The following MED16 variants were observed in gnomAD, a reference collection of about 807,000 sequenced individuals.
The protein encoded by MED16 is mediator of RNA polymerase II transcription subunit 16.
Under a neutral mutation model 84.4 loss-of-function variants are expected in MED16, and 81 were observed. That is an observed-to-expected ratio of 0.96 (90% confidence interval 0.80 to 1.15). The LOEUF (loss-of-function observed/expected upper bound fraction) is 1.15, where lower values mean the gene tolerates loss of function less well. Among genes scored for constraint, MED16 ranks in the 50% most tolerant of loss-of-function variants. The pLI is 0.00. For synonymous variants in MED16, 897 were observed against 552.2 expected (o/e 1.62, Z -8.76); for missense variants, 1,585 against 1,245.9 (o/e 1.27, Z -4.10).
chr19:884,625 G>A lies in MED16; in HGVS notation c.985+278C>T, dbSNP rs541114387. On this transcript the variant is annotated intron_variant, in intron 6 of 15. Transcript: ENST00000325464. ...CCCTCACGGTGTCCCCGCTGGCTGAGCAACGACACCTCTCAGCCTCGGCCT... is the reference window on the plus strand; with the variant it reads ...CCCTCACGGTGTCCCCGCTGGCTGAACAACGACACCTCTCAGCCTCGGCCT... 5.3e-5 allele frequency among the ~76,000 whole-genome samples: 8 copies of A among 152,328 alleles called. 1 individual carries two copies. Among genetic ancestry groups the A allele is most frequent in the African/African-American group, 1.7e-4 (7 of 41,582 alleles).
At chr19:890,611 T>C (rs1010468249) in intron 2 of MED16, among the ~76,000 whole-genome samples, 2 of 152,152 alleles carry the variant, frequency 1.3e-5, no homozygotes, top group South Asian at 2.1e-4. Flanking sequence ...ACTCAAACAA[T>C]GGAGAGAAGA....
intron 10 of MED16, among the ~76,000 whole-genome samples, chr19:875,032 C>T (rs1323405520): frequency 6.6e-6 from 1 of 152,126 alleles, no homozygotes; most frequent in Non-Finnish European, 1.5e-5. Context: ...GGCGTGGTGG[C>T]ACGTGCCTGT....
At chr19:871,630 G>A (rs772524806) in intron 12 of MED16, 12 of 1,595,302 alleles carry the variant, frequency 7.5e-6, no homozygotes, top group South Asian at 6.6e-5. Context: ...CATCCCAAAA[G>A]CACCCACACA....
chr19:887,008 G>A (rs1373221787), intron 4 of MED16, among the ~76,000 whole-genome samples: 2 of 150,068 alleles, frequency 1.3e-5, no homozygotes, highest in African/African-American at 2.5e-5. Flanking sequence ...GAATCCAGGA[G>A]GTGGTGATTG....
chr19:874,833 G>A lies in MED16; in HGVS notation c.1771+411C>T, dbSNP rs114827759. 5.3e-3 allele frequency among the ~76,000 whole-genome samples: 800 copies of A among 151,964 alleles called. 9 individuals carry two copies. The highest frequency in any genetic ancestry group is 0.016 in the African/African-American group (665 of 41,418). On this transcript the variant is annotated intron_variant, in intron 10 of 15. Coordinates refer to ENST00000325464, the MANE Select transcript of MED16 (RefSeq NM_005481.3). ...TGCGCTGAGCTGGGACTGCGTCACC[G>A]TGCTGCAACCTGGATGACACAGTGA...
intron 12 of MED16, chr19:871,564 CACAT>C: frequency 1.3e-6 from 2 of 1,593,574 alleles, no homozygotes; most frequent in Non-Finnish European, 1.7e-6. Flanking sequence ...TCACCCTCCT[CACAT>C]ACACACAACC....
In MED16 at chr19:879,996, T is replaced by C; in HGVS notation, c.1294A>G (p.Lys432Glu). Residue 432 changes from lysine (K) to glutamate (E), a missense_variant, in exon 8 of 16, where the codon AAG becomes GAG. By Grantham distance (56) the Lys-to-Glu change is moderately conservative. Transcript: ENST00000325464. ...PRTAGPAVHL[K>E]AMQLSWTSLA... ...GACGTCCACGATAGCTGCATAGCCT[T>C]TAAGTGGACGGCGGGGCCCGCGGTG... 1 of 1,609,924 alleles carries C rather than the reference T, an allele frequency of 6.2e-7. No individual in the cohort carries two copies. Among genetic ancestry groups the C allele is most frequent in the Non-Finnish European group, 8.5e-7 (1 of 1,178,632 alleles).
intron 4 of MED16, among the ~76,000 whole-genome samples, chr19:888,718 T>G (rs1172775972): frequency 6.6e-6 from 1 of 151,980 alleles, no homozygotes; most frequent in Non-Finnish European, 1.5e-5. Flanking sequence ...GACCGCAGGG[T>G]GGGGAGTGCA....
rs756104765 is a variant in MED16, at chr19:877,185, CAG to C, written c.1354-7_1354-6del. On this transcript the variant is annotated splice_polypyrimidine_tract_variant and splice_region_variant and intron_variant, in intron 8 of 15. Transcript: ENST00000325464. ...TGAGAGGCGGAGCACGCTCAGCTGC[CAG>C]AGACAGAGCCCAAGGAGAGCCCGGT... 4.4e-6 allele frequency: 7 copies of C among 1,604,600 alleles called. No homozygotes were observed. In the Admixed American group the frequency reaches 1.2e-4, roughly 27 times the overall value.
rs1481629219 is a variant in MED16, at chr19:889,445, G to A, written c.447+193C>T. 7.2e-5 allele frequency among the ~76,000 whole-genome samples: 11 copies of A among 152,340 alleles called. No individual in the cohort carries two copies. In the East Asian group the frequency reaches 2.1e-3, roughly 29 times the overall value. ...GCCAGACTGCAGGTGGGGGCCAAGTGAACAGCCACCCTCAGTTAAATGAGA... is the reference window on the plus strand; with the variant it reads ...GCCAGACTGCAGGTGGGGGCCAAGTAAACAGCCACCCTCAGTTAAATGAGA... On this transcript the variant is annotated intron_variant, in intron 4 of 15. Coordinates refer to ENST00000325464, the MANE Select transcript of MED16 (RefSeq NM_005481.3).
At chr19:874,699 G>C (rs1411440905) in intron 10 of MED16, among the ~76,000 whole-genome samples, 1 of 151,898 alleles carries the variant, frequency 6.6e-6, no homozygotes, top group East Asian at 1.9e-4. Flanking sequence ...GCAACACAGT[G>C]AGACCCTGTT....
At chr19:885,633 G>A (rs2036509890) in intron 5 of MED16, 137 bp downstream of exon 5, 6 of 1,030,834 alleles carry the variant, frequency 5.8e-6, no homozygotes, top group South Asian at 3.3e-5. Flanking sequence ...CTCCCCTGGA[G>A]CCCCCGGGAG....
At chr19:885,454 G>A (rs544214164) in intron 5 of MED16, among the ~76,000 whole-genome samples, 14 of 149,458 alleles carry the variant, frequency 9.4e-5, no homozygotes, top group Admixed American at 9.2e-4. Flanking sequence ...AGAGCACGTT[G>A]GGGGGGGTCC....
intron 1 of MED16, among the ~76,000 whole-genome samples, chr19:892,042 T>A (rs112438061): frequency 0.027 from 2,341 of 85,732 alleles, 63 homozygotes; most frequent in African/African-American, 0.094. Flanking sequence ...GCTGAGTGTG[T>A]TGGGGAACAC....
intron 6 of MED16, among the ~76,000 whole-genome samples, chr19:883,654 G>GCTGC (rs1486315944): frequency 1.2e-3 from 180 of 152,252 alleles, no homozygotes; most frequent in African/African-American, 4.2e-3. Context: ...TGCAGGAGAC[G>GCTGC]AGGAGGAGTG....
In MED16 at chr19:875,244, C is replaced by A. The variant is rs778397040; in HGVS notation, c.1771G>T (p.Asp591Tyr). ...TEICTKITDV[D>Y]IDKVMINLKT... ...GCCCCGGGCGTGGAAAAGGACCCAC[C>A]GACGTCGGTGATCTTGGTGCAGATC... Residue 591 changes from aspartate (D) to tyrosine (Y), a missense_variant and splice_region_variant, in exon 10 of 16, where the codon GAC (aspartate) becomes TAC (tyrosine). Asp to Tyr is a radical substitution (Grantham distance 160). Coordinates refer to ENST00000325464, the MANE Select transcript of MED16 (RefSeq NM_005481.3). 1 of 1,604,344 alleles carries A rather than the reference C, an allele frequency of 6.2e-7. No homozygotes were observed. The highest frequency in any genetic ancestry group is 1.3e-5 in the African/African-American group (1 of 74,846).
intron 10 of MED16, 78 bp from the exon 11 acceptor site, chr19:873,660 G>C (rs1476634089): frequency 2.6e-6 from 4 of 1,534,104 alleles, no homozygotes; most frequent in African/African-American, 1.4e-5. Flanking sequence ...TCGGTCCTTC[G>C]ACCTGCACTG....
At chr19:873,676 C>G in intron 10 of MED16, 94 bp from the exon 11 acceptor site, 2 of 1,400,774 alleles carry the variant, frequency 1.4e-6, no homozygotes, top group Non-Finnish European at 2.0e-6. Context: ...CACTGAGTGC[C>G]CACCCAGTAC....
chr19:877,564 A>C (rs2036279836), intron 8 of MED16, among the ~76,000 whole-genome samples: 1 of 92,192 alleles, frequency 1.1e-5, no homozygotes, highest in Non-Finnish European at 2.5e-5. Context: ...CACACAGACA[A>C]GGCAGCGCAG....
Sources: gnomAD v4.1 joint callset for allele counts (sites outside exome capture counted in the v4.1 genomes callset) on GRCh38, gnomAD v4.1.1 for gene constraint, MANE v1.5 for transcripts, NCBI Gene and HGNC (gene_info 2026-07-23, HGNC 2026-07-21) for gene names.